Variants in DNAAF9 observed in about 807,000 individuals in gnomAD.
The protein encoded by DNAAF9 is dynein axonemal assembly factor 9.
In DNAAF9, 90 loss-of-function variants were observed where a neutral mutation model predicts 167.0. The observed-to-expected ratio is 0.54, with a 90% CI of 0.45 to 0.64. The LOEUF (loss-of-function observed/expected upper bound fraction) is 0.64, where lower values mean the gene tolerates loss of function less well. Among genes scored for constraint, DNAAF9 ranks in the 30% least tolerant of loss-of-function variants. The pLI is 0.00. For missense variants in DNAAF9, 1,315 were observed against 1,442.2 expected, an observed-to-expected ratio of 0.91 and a Z score of 1.43; for synonymous variants, 491 against 508.8, an observed-to-expected ratio of 0.96 and a Z score of 0.47.
chr20:3,392,992 T>A (rs1389982174), intron 1 of DNAAF9, among the ~76,000 whole-genome samples: 1 of 152,190 alleles, frequency 6.6e-6, no homozygotes, highest in African/African-American at 2.4e-5. Flanking sequence ...GGGAAGTATT[T>A]GTTTTTACAT....
At chr20:3,255,978 T>C (rs781562766) in intron 34 of DNAAF9, 28 bp downstream of exon 34, 2 of 1,569,940 alleles carry the variant, frequency 1.3e-6, no homozygotes. Flanking sequence ...CACATCTGTG[T>C]CAGGTCTGTC....
At chr20:3,290,945 T>C (rs1321731164) in intron 25 of DNAAF9, among the ~76,000 whole-genome samples, 1 of 152,058 alleles carries the variant, frequency 6.6e-6, no homozygotes, top group Non-Finnish European at 1.5e-5. Flanking sequence ...CATGCCACCA[T>C]ACCCAGCTAA....
In DNAAF9 at chr20:3,256,123, T is replaced by C. The variant is rs375669005; in HGVS notation, c.3144A>G (p.Pro1048=). ...TGTCTTGAGATACGCTTTTGGAGTC[T>C]GGTGGTGGTGTGGGTCCTTCCAAAA... is the stretch of plus-strand genomic sequence containing the variant. ...MPVLEGPTPP[P]DSKSVSQDSS... is the part of the protein sequence containing the mutation. The change falls in exon 34 of 37, where the codon CCA becomes CCG. Residue 1048 remains proline, a synonymous_variant. Coordinates refer to ENST00000252032, the MANE Select transcript of DNAAF9 (RefSeq NM_001009984.3). The C allele has an allele frequency of 1.5e-5, 24 of 1,613,996 alleles. No homozygotes were observed. In the African/African-American group the frequency reaches 3.2e-4, roughly 22 times the overall value.
chr20:3,343,750 T>C lies in DNAAF9; in HGVS notation c.790-19A>G. ...TGAATGGCTAAAAAGAAGCCAACAT[T>C]GTATATATTAAGAACACAATTTGGT... On this transcript the variant is annotated intron_variant, in intron 8 of 36. Coordinates refer to ENST00000252032, the MANE Select transcript of DNAAF9 (RefSeq NM_001009984.3). The C allele has an allele frequency of 6.3e-7, 1 of 1,594,040 alleles. No individual in the cohort carries two copies. The highest frequency in any genetic ancestry group is 8.6e-7 in the Non-Finnish European group (1 of 1,162,330).
chr20:3,322,728 C>A, intron 14 of DNAAF9, 32 bp from the exon 15 acceptor site: 1 of 1,540,120 alleles, frequency 6.5e-7, no homozygotes, highest in Non-Finnish European at 9.0e-7. Flanking sequence ...AAAGAAAAAT[C>A]AGTCTGCTCC....
At chr20:3,361,573 T>A (rs1438782390) in intron 6 of DNAAF9, among the ~76,000 whole-genome samples, 1 of 152,150 alleles carries the variant, frequency 6.6e-6, no homozygotes, top group Non-Finnish European at 1.5e-5. Context: ...CTTTTCACAG[T>A]TGAGTTAGAT....
intron 12 of DNAAF9, among the ~76,000 whole-genome samples, chr20:3,329,858 T>C (rs2069788619): frequency 6.6e-6 from 1 of 152,258 alleles, no homozygotes; most frequent in South Asian, 2.1e-4. Flanking sequence ...TTTGGTTTCC[T>C]GCTGTATGTG....
chr20:3,310,656 G>A (rs1266419124), intron 20 of DNAAF9, among the ~76,000 whole-genome samples: 1 of 150,886 alleles, frequency 6.6e-6, no homozygotes, highest in Non-Finnish European at 1.5e-5. Flanking sequence ...CTGCACTCCA[G>A]CCTGGACAAC....
At chr20:3,373,755 A>G (rs550259113) in intron 6 of DNAAF9, among the ~76,000 whole-genome samples, 3 of 152,326 alleles carry the variant, frequency 2.0e-5, no homozygotes, top group Non-Finnish European at 4.4e-5. Context: ...TAAAAGCTGT[A>G]GGAAAAGTCA....
At chr20:3,252,750 C>T (rs913433766) in intron 36 of DNAAF9, 66 bp from the exon 37 acceptor site, 21 of 962,414 alleles carry the variant, frequency 2.2e-5, no homozygotes, top group Admixed American at 5.1e-5. Flanking sequence ...GAGCCCAGAG[C>T]GGCCTGTAGG....
chr20:3,348,505 T>C lies in DNAAF9; in HGVS notation c.789+20A>G, dbSNP rs757213274. On this transcript the variant is annotated intron_variant, in intron 8 of 36. Transcript: ENST00000252032. ...AAATTAACCATTTTATTCTTCCTCT[T>C]TGACCCTTCCCTTACATACCTCACC... 41 of 1,334,100 alleles carry C rather than the reference T, an allele frequency of 3.1e-5. No individual in the cohort carries two copies. In the South Asian group the frequency reaches 5.6e-4, roughly 18 times the overall value. The allele number at this position is 1,334,100 out of a possible 1,614,324, so 82.6% of individuals were successfully genotyped here. A position where few individuals can be genotyped will look rare whatever the true frequency, so the allele number is the denominator to read the frequency against.
At chr20:3,395,294 T>C (rs1342254302) in intron 1 of DNAAF9, among the ~76,000 whole-genome samples, 2 of 151,004 alleles carry the variant, frequency 1.3e-5, no homozygotes, top group East Asian at 2.0e-4. Flanking sequence ...TTTCTTTTTT[T>C]TTTTCTGAGA....
intron 30 of DNAAF9, among the ~76,000 whole-genome samples, chr20:3,268,227 G>C (rs532809084): frequency 1.7e-3 from 255 of 151,576 alleles, no homozygotes; most frequent in African/African-American, 6.1e-3. Flanking sequence ...GCGGGGTTTC[G>C]CCATGTTGGC....
intron 12 of DNAAF9, among the ~76,000 whole-genome samples, chr20:3,326,700 A>G (rs1196401521): frequency 6.6e-6 from 1 of 151,202 alleles, no homozygotes; most frequent in Non-Finnish European, 1.5e-5. Flanking sequence ...GTGAGCCAAG[A>G]CTGTGTCACT....
At chr20:3,312,466 T>C (rs995245736) in intron 20 of DNAAF9, among the ~76,000 whole-genome samples, 4 of 151,846 alleles carry the variant, frequency 2.6e-5, no homozygotes, top group African/African-American at 9.7e-5. Context: ...TTGCACAACA[T>C]CAGGCGAGTT....
intron 10 of DNAAF9, among the ~76,000 whole-genome samples, chr20:3,339,050 T>C (rs2070026688): frequency 6.6e-6 from 1 of 152,298 alleles, no homozygotes; most frequent in African/African-American, 2.4e-5. Flanking sequence ...TACTGATTCC[T>C]TCCATGGATA....
Position 3,332,332 on chromosome 20 carries a change from A to G in DNAAF9, c.1011T>C (p.Pro337=). ...MVAQCVSPKG[P]LACSRTYFFG... ...AAAAGTATGTTCTCGAACAAGCAAG[A>G]GGTCCCTTTGGTGAGACACACTGGG... Residue 337 remains proline (P), a synonymous_variant, in exon 11 of 37, where the codon CCT becomes CCC. Coordinates refer to ENST00000252032, the MANE Select transcript of DNAAF9 (RefSeq NM_001009984.3). 1.2e-6 allele frequency: 2 copies of G among 1,608,910 alleles called. No homozygotes were observed. The highest frequency in any genetic ancestry group is 1.7e-6 in the Non-Finnish European group (2 of 1,175,374).
intron 3 of DNAAF9, among the ~76,000 whole-genome samples, chr20:3,379,796 C>T (rs1006563221): frequency 6.6e-6 from 1 of 152,132 alleles, no homozygotes; most frequent in Non-Finnish European, 1.5e-5. Flanking sequence ...CGTGGTGGCT[C>T]ACAGCTGTAA....
chr20:3,319,176 T>C (rs1293422421), intron 16 of DNAAF9, among the ~76,000 whole-genome samples: 1 of 146,344 alleles, frequency 6.8e-6, no homozygotes, highest in Non-Finnish European at 1.5e-5. Flanking sequence ...GGCAGGAGGA[T>C]TGTTTGAGCC....
Sources: gnomAD v4.1 joint callset for allele counts (sites outside exome capture counted in the v4.1 genomes callset) on GRCh38, gnomAD v4.1.1 for gene constraint, MANE v1.5 for transcripts, NCBI Gene and HGNC (gene_info 2026-07-23, HGNC 2026-07-21) for gene names.